The following TMEM183A variants were observed in gnomAD, a reference collection of about 807,000 sequenced individuals.
TMEM183A encodes the protein transmembrane protein 183A.
A neutral mutation model predicts 46.7 loss-of-function variants in TMEM183A; 21 were observed. That is an observed-to-expected ratio of 0.45 (90% CI 0.32 to 0.65). The LOEUF (loss-of-function observed/expected upper bound fraction) is 0.65, where lower values mean the gene tolerates loss of function less well. Ranked by LOEUF, TMEM183A falls within the 30% of genes least tolerant of loss-of-function variation. The pLI is 0.04. For missense variants in TMEM183A, 331 were observed against 481.9 expected, an observed-to-expected ratio of 0.69 and a Z score of 2.93; for synonymous variants, 165 against 180.2, an observed-to-expected ratio of 0.92 and a Z score of 0.68.
At position 203,022,848 on chromosome 1, in the gene TMEM183A, A is replaced by G. The variant is rs1214139238; in HGVS notation, c.946-7A>G. 2.5e-6 allele frequency: 4 copies of G among 1,613,920 alleles called. No homozygotes were observed. The highest frequency in any genetic ancestry group is 3.4e-6 in the Non-Finnish European group (4 of 1,179,856). ...AGTTGGATACTGAATTTGCTTTTCC[A>G]TTTCAGTTTACTATCAATGTGAGCA... On this transcript the variant is annotated splice_region_variant and splice_polypyrimidine_tract_variant and intron_variant, in intron 7 of 7. Coordinates refer to ENST00000367242, the MANE Select transcript of TMEM183A (RefSeq NM_138391.6).
Position 203,012,235 on chromosome 1 carries a change from TCACACACACACACA to T in TMEM183A, c.368-2624_368-2611del, listed in dbSNP as rs56743654. On this transcript the variant is annotated intron_variant, in intron 3 of 7. Coordinates refer to ENST00000367242, the MANE Select transcript of TMEM183A (RefSeq NM_138391.6). ...ACTTCAACCATTACTCCCCACTCCA[TCACACACACACACA>T]CACACACACACACACACACACACAC... 1.2e-3 allele frequency among the ~76,000 whole-genome samples: 101 copies of T among 80,836 alleles called. 2 individuals carry two copies. Among genetic ancestry groups the T allele is most frequent in the South Asian group, 0.011 (23 of 2,026 alleles). 53.0% of individuals were successfully genotyped at this position (80,836 alleles called of 152,430 possible). A position where few individuals can be genotyped will look rare whatever the true frequency, so the allele number is the denominator to read the frequency against.
Position 203,017,637 on chromosome 1 carries a change from C to T in TMEM183A, c.709-844C>T, listed in dbSNP as rs1657292266. On this transcript the variant is annotated intron_variant, in intron 5 of 7. Transcript: ENST00000367242. ...GGCAGATATCCCGTGCATGGCCTTG[C>T]CACTTGTATACCCATGATTGCGTGG... 3.0e-5 allele frequency: 20 copies of T among 671,694 alleles called. No individual in the cohort carries two copies. In the South Asian group the frequency reaches 1.2e-3, roughly 40 times the overall value. 41.6% of individuals were successfully genotyped at this position (671,694 alleles called of 1,614,324 possible).
At chr1:203,012,814 C>T (rs535479275) in intron 3 of TMEM183A, among the ~76,000 whole-genome samples, 3 of 152,280 alleles carry the variant, frequency 2.0e-5, no homozygotes, top group African/African-American at 7.2e-5. Flanking sequence ...ACCGCAGCCT[C>T]GACATCCTGG....
intron 2 of TMEM183A, among the ~76,000 whole-genome samples, chr1:203,008,294 G>A (rs1170601733): frequency 6.6e-6 from 1 of 152,044 alleles, no homozygotes. Context: ...GATTAAATTG[G>A]ATTCAATTTG....
chr1:203,019,345 A>G (rs951184115), intron 6 of TMEM183A, among the ~76,000 whole-genome samples: 2 of 152,224 alleles, frequency 1.3e-5, no homozygotes, highest in Non-Finnish European at 2.9e-5. Flanking sequence ...GCAAAGAGTA[A>G]ATCTTGAGTG....
chr1:203,022,256 A>G (rs1161072856), intron 7 of TMEM183A, among the ~76,000 whole-genome samples: 1 of 152,028 alleles, frequency 6.6e-6, no homozygotes, highest in Non-Finnish European at 1.5e-5. Flanking sequence ...TATTTTTGGT[A>G]GAAATGGGGT....
intron 4 of TMEM183A, 69 bp downstream of exon 4, chr1:203,015,117 A>C: frequency 6.3e-7 from 1 of 1,585,962 alleles, no homozygotes; most frequent in African/African-American, 1.3e-5. Flanking sequence ...ATTTGGAGCT[A>C]CTCACTGGAT....
chr1:203,012,302 A>T (rs1443628118), intron 3 of TMEM183A, among the ~76,000 whole-genome samples: 4 of 108,488 alleles, frequency 3.7e-5, no homozygotes, highest in Non-Finnish European at 8.3e-5. Flanking sequence ...CAATTTCCAG[A>T]TATACCATCA....
intron 6 of TMEM183A, among the ~76,000 whole-genome samples, chr1:203,019,727 C>A (rs1657487776): frequency 6.6e-6 from 1 of 152,072 alleles, no homozygotes; most frequent in Admixed American, 6.6e-5. Flanking sequence ...ATTACATGAA[C>A]TCTCCAGTTG....
At chr1:203,010,629 T>A (rs1240201336) in intron 3 of TMEM183A, among the ~76,000 whole-genome samples, 2 of 152,240 alleles carry the variant, frequency 1.3e-5, no homozygotes, top group Non-Finnish European at 2.9e-5. Flanking sequence ...AAATCGCTAC[T>A]TATCACCATT....
At chr1:203,014,848 A>G (rs767332152) in intron 3 of TMEM183A, 41 bp from the exon 4 acceptor site, 1 of 1,604,714 alleles carries the variant, frequency 6.2e-7, no homozygotes, top group Non-Finnish European at 8.5e-7. Context: ...ATCTTTAGAT[A>G]TGGTGTAGAA....
rs1394983288 is a variant in TMEM183A at position 203,023,389 on chromosome 1, A to C, written c.*349A>C. 9 of 153,956 alleles carry C rather than the reference A, an allele frequency of 5.8e-5. No individual in the cohort carries two copies. Among genetic ancestry groups the C allele is most frequent in the Admixed American group, 5.7e-4 (9 of 15,658 alleles). 9.5% of individuals were successfully genotyped at this position (153,956 alleles called of 1,614,324 possible). On this transcript the variant is annotated 3_prime_UTR_variant, in exon 8 of 8. Coordinates refer to ENST00000367242, the MANE Select transcript of TMEM183A (RefSeq NM_138391.6). Reference sequence around the variant, plus strand: ...AACTCTTTGAATCTCCAAACAAGGAAGTTTCAGCATTCCCTTATGGATCAG... The same window carrying C: ...AACTCTTTGAATCTCCAAACAAGGACGTTTCAGCATTCCCTTATGGATCAG...
intron 3 of TMEM183A, among the ~76,000 whole-genome samples, chr1:203,012,536 T>C (rs1656763510): frequency 6.6e-6 from 1 of 152,248 alleles, no homozygotes; most frequent in Non-Finnish European, 1.5e-5. Flanking sequence ...CTTCATGATT[T>C]ATCTCCATGA....
At chr1:203,008,911 C>G in intron 3 of TMEM183A, 101 bp downstream of exon 3, 1 of 1,233,918 alleles carries the variant, frequency 8.1e-7, no homozygotes, top group Non-Finnish European at 1.1e-6. Context: ...AGACGTGATA[C>G]CAGGAGAGTT....
intron 5 of TMEM183A, chr1:203,017,863 T>C: frequency 1.0e-6 from 1 of 986,094 alleles, no homozygotes; most frequent in Non-Finnish European, 1.2e-6. Context: ...GTACAGGGCA[T>C]GTCTGAAGGG....
chr1:203,012,148 T>TCACACA lies in TMEM183A; in HGVS notation c.368-2709_368-2704dup, dbSNP rs767000280. On this transcript the variant is annotated intron_variant, in intron 3 of 7. Coordinates refer to ENST00000367242, the MANE Select transcript of TMEM183A (RefSeq NM_138391.6). ...ACTTCAACCATTACCCCCCACTCCA[T>TCACACA]CACACACACACACACACACACACAC... Among the ~76,000 whole-genome samples, 402 of 79,464 alleles carry TCACACA rather than the reference T, an allele frequency of 5.1e-3. 37 individuals carry two copies. Among genetic ancestry groups the TCACACA allele is most frequent in the East Asian group, 0.013 (39 of 2,952 alleles). The allele number at this position is 79,464 out of a possible 152,430, so 52.1% of individuals were successfully genotyped here. A position where few individuals can be genotyped will look rare whatever the true frequency, so the allele number is the denominator to read the frequency against.
intron 6 of TMEM183A, 85 bp downstream of exon 6, chr1:203,018,646 T>C: frequency 1.4e-6 from 2 of 1,416,476 alleles, no homozygotes; most frequent in East Asian, 2.3e-5. Context: ...TTTGTGTTGC[T>C]ATAACAGTAC....
At chr1:203,022,719 G>T in intron 7 of TMEM183A, 136 bp from the exon 8 acceptor site, 2 of 1,158,422 alleles carry the variant, frequency 1.7e-6, no homozygotes, top group South Asian at 1.6e-5. Context: ...AAAAAAAAAA[G>T]GTGTTTGTTT....
intron 7 of TMEM183A, among the ~76,000 whole-genome samples, chr1:203,021,941 G>A (rs1278015696): frequency 6.6e-6 from 1 of 152,134 alleles, no homozygotes; most frequent in African/African-American, 2.4e-5. Flanking sequence ...AGGTGACTTA[G>A]ACTTCCACTA....
Sources: allele counts gnomAD v4.1 joint callset (sites outside exome capture counted in the v4.1 genomes callset), GRCh38; gene constraint gnomAD v4.1.1; transcripts MANE v1.5; gene names NCBI Gene and HGNC (gene_info 2026-07-23, HGNC 2026-07-21).